Variants in ZNF804B observed in about 807,000 individuals in gnomAD.
ZNF804B encodes zinc finger 804B.
Under a neutral mutation model 101.4 loss-of-function variants are expected in ZNF804B, and 80 were observed. That is an observed-to-expected ratio of 0.79 (90% confidence interval 0.66 to 0.95). The LOEUF (loss-of-function observed/expected upper bound fraction) is 0.95, where lower values mean the gene tolerates loss of function less well. Ranked by LOEUF, ZNF804B falls within the 40% of genes least tolerant of loss-of-function variation. The pLI is 0.00. For synonymous variants in ZNF804B, 622 were observed against 558.8 expected, an observed-to-expected ratio of 1.11 and a Z score of -1.59; for missense variants, 1,673 against 1,561.9, an observed-to-expected ratio of 1.07 and a Z score of -1.20.
chr7:89,275,796 AG>A (rs1298717869), intron 2 of ZNF804B, among the ~76,000 whole-genome samples: 1 of 151,888 alleles, frequency 6.6e-6, no homozygotes, highest in Non-Finnish European at 1.5e-5. Flanking sequence ...GAGCTATAGG[AG>A]GATAAAGACT....
chr7:89,151,832 C>T (rs1484408850), intron 1 of ZNF804B, among the ~76,000 whole-genome samples: 3 of 152,060 alleles, frequency 2.0e-5, no homozygotes, highest in Non-Finnish European at 4.4e-5. Context: ...AAAATTCACA[C>T]TCATAGGCTA....
intron 1 of ZNF804B, among the ~76,000 whole-genome samples, chr7:89,164,225 C>T (rs1481208152): frequency 1.3e-5 from 2 of 152,032 alleles, no homozygotes; most frequent in Non-Finnish European, 2.9e-5. Flanking sequence ...ATACCCCTTT[C>T]TTGACTATTA....
At chr7:88,760,357 T>C (rs1789877501) in intron 1 of ZNF804B, among the ~76,000 whole-genome samples, 1 of 152,262 alleles carries the variant, frequency 6.6e-6, no homozygotes, top group Admixed American at 6.5e-5. Context: ...TGCAGTCAAC[T>C]GCAGGGCTCA....
intron 1 of ZNF804B, among the ~76,000 whole-genome samples, chr7:89,037,643 T>C (rs781530895): frequency 3.3e-5 from 5 of 152,114 alleles, no homozygotes; most frequent in Non-Finnish European, 7.4e-5. Flanking sequence ...CACACAGTTA[T>C]CAGTTTTTGT....
At chr7:89,123,125 T>C (rs1790428478) in intron 1 of ZNF804B, among the ~76,000 whole-genome samples, 1 of 149,772 alleles carries the variant, frequency 6.7e-6, no homozygotes, top group Non-Finnish European at 1.5e-5. Flanking sequence ...CTAGAATATG[T>C]AAGTAATTCT....
At chr7:89,313,143 T>G (rs1230739109) in intron 2 of ZNF804B, among the ~76,000 whole-genome samples, 1 of 152,216 alleles carries the variant, frequency 6.6e-6, no homozygotes, top group African/African-American at 2.4e-5. Flanking sequence ...TTTTCCTTAC[T>G]CTTAGGAAGA....
At chr7:88,883,019 A>C (rs181538869) in intron 1 of ZNF804B, among the ~76,000 whole-genome samples, 5 of 152,204 alleles carry the variant, frequency 3.3e-5, no homozygotes, top group African/African-American at 4.8e-5. Context: ...AATTGAAATT[A>C]AAAAATGTCT....
intron 2 of ZNF804B, among the ~76,000 whole-genome samples, chr7:89,326,513 T>G (rs1790898027): frequency 6.6e-6 from 1 of 152,088 alleles, no homozygotes; most frequent in East Asian, 1.9e-4. Flanking sequence ...GATTTTAGAC[T>G]GTTTAAAATC....
intron 2 of ZNF804B, among the ~76,000 whole-genome samples, chr7:89,319,816 A>G (rs988644783): frequency 6.6e-6 from 1 of 152,120 alleles, no homozygotes; most frequent in Admixed American, 6.6e-5. Flanking sequence ...TAAAGCAACA[A>G]AGACCAAATG....
At chr7:89,139,125 T>C (rs1237530346) in intron 1 of ZNF804B, among the ~76,000 whole-genome samples, 2 of 152,148 alleles carry the variant, frequency 1.3e-5, no homozygotes, top group Non-Finnish European at 2.9e-5. Flanking sequence ...AATTTTTTTT[T>C]GTTCTCTCAT....
chr7:88,763,044 G>T (rs1415745122), intron 1 of ZNF804B, among the ~76,000 whole-genome samples: 1 of 151,984 alleles, frequency 6.6e-6, no homozygotes, highest in African/African-American at 2.4e-5. Context: ...ACATAATAAG[G>T]ATTTCTTCTT....
chr7:88,976,333 C>A (rs1392597325), intron 1 of ZNF804B, among the ~76,000 whole-genome samples: 1 of 151,432 alleles, frequency 6.6e-6, no homozygotes, highest in Non-Finnish European at 1.5e-5. Context: ...TTGTAGATTT[C>A]TTTGGTTAGT....
chr7:89,146,966 G>A (rs1790799910), intron 1 of ZNF804B, among the ~76,000 whole-genome samples: 1 of 151,422 alleles, frequency 6.6e-6, no homozygotes, highest in African/African-American at 2.4e-5. Flanking sequence ...GGAAGTGCGG[G>A]TTGCATGAGC....
At chr7:88,999,720 A>T (rs1170913831) in intron 1 of ZNF804B, among the ~76,000 whole-genome samples, 1 of 152,066 alleles carries the variant, frequency 6.6e-6, no homozygotes, top group Non-Finnish European at 1.5e-5. Context: ...ATTTTACAAG[A>T]AGCTTATTTA....
chr7:88,773,177 T>G (rs1158969065), intron 1 of ZNF804B, among the ~76,000 whole-genome samples: 1 of 152,194 alleles, frequency 6.6e-6, no homozygotes, highest in Non-Finnish European at 1.5e-5. Flanking sequence ...TTAAAGTGAC[T>G]TTGGGAGCTC....
At chr7:89,071,925 G>T (rs990594114) in intron 1 of ZNF804B, among the ~76,000 whole-genome samples, 5 of 151,980 alleles carry the variant, frequency 3.3e-5, no homozygotes, top group Admixed American at 3.3e-4. Context: ...TACTTGTTCT[G>T]GCCAATTTTT....
chr7:88,790,248 A>G (rs900349584), intron 1 of ZNF804B, among the ~76,000 whole-genome samples: 1 of 152,018 alleles, frequency 6.6e-6, no homozygotes, highest in African/African-American at 2.4e-5. Context: ...ATTTTAAGGC[A>G]ACTATAGCTT....
intron 1 of ZNF804B, among the ~76,000 whole-genome samples, chr7:88,764,402 G>A (rs1162335900): frequency 6.6e-6 from 1 of 152,038 alleles, no homozygotes; most frequent in African/African-American, 2.4e-5. Flanking sequence ...GGAAATTTTG[G>A]GGATTGTCAT....
chr7:89,105,789 C>T (rs1790128155), intron 1 of ZNF804B, among the ~76,000 whole-genome samples: 1 of 152,134 alleles, frequency 6.6e-6, no homozygotes, highest in African/African-American at 2.4e-5. Flanking sequence ...TCCCAGATAC[C>T]AGTAGCAAGC....
Sources: gnomAD v4.1 joint callset for allele counts (sites outside exome capture counted in the v4.1 genomes callset) on GRCh38, gnomAD v4.1.1 for gene constraint, MANE v1.5 for transcripts, NCBI Gene and HGNC (gene_info 2026-07-23, HGNC 2026-07-21) for gene names.